Variants in TRIOBP observed in about 807,000 individuals in gnomAD.
TRIOBP encodes TRIO and F-actin binding protein.
In TRIOBP, 169 loss-of-function variants were observed where a neutral mutation model predicts 238.8. The observed-to-expected ratio is 0.71, with a 90% CI of 0.62 to 0.80. TRIOBP has a LOEUF of 0.80. Among genes scored for constraint, TRIOBP ranks in the 30% least tolerant of loss-of-function variants. The pLI is 0.00. For missense variants in TRIOBP, 2,838 were observed against 3,122.6 expected, an observed-to-expected ratio of 0.91 and a Z score of 2.17; for synonymous variants, 1,150 against 1,274.4, an observed-to-expected ratio of 0.90 and a Z score of 2.08.
chr22:37,768,163 C>G lies in TRIOBP; in HGVS notation c.6562C>G (p.Arg2188Gly). 6.2e-7 allele frequency: 1 copy of G among 1,612,274 alleles called. No homozygotes were observed. The highest frequency in any genetic ancestry group is 8.5e-7 in the Non-Finnish European group (1 of 1,179,192). Residue 2188 changes from arginine (R) to glycine (G), a missense_variant, in exon 19 of 24, where the codon CGG becomes GGG. Arg to Gly is a moderately radical substitution (Grantham distance 125, BLOSUM62 -2). This residue lies in a region of TRIOBP where 2,096 missense variants were observed against 2,137.4 expected (regional missense o/e 0.98). Coordinates refer to ENST00000644935, the MANE Select transcript of TRIOBP (RefSeq NM_001039141.3). ...RSLQQGPDGL[R>G]KQHQSDVEAL... ...TCTCCAGCAGGGCCCGGATGGCCTC[C>G]GGAAGCAGCACCAGTAAGATGATGC... is the stretch of plus-strand genomic sequence containing the variant.
In TRIOBP at chr22:37,735,181, C is replaced by A; in HGVS notation, c.4845C>A (p.Pro1615=). Residue 1615 remains proline, a synonymous_variant, in exon 9 of 24, where the codon CCC becomes CCA. Transcript: ENST00000644935. ...LARALGPELG[P]PGTNDVPEQE... ...GGGCTTTAGGGCCAGAGCTGGGTCC[C>A]CCAGGCACAAACGATGTCCCTGAGC... 1 of 1,609,864 alleles carries A rather than the reference C, an allele frequency of 6.2e-7. No homozygotes were observed. Among genetic ancestry groups the A allele is most frequent in the South Asian group, 1.1e-5 (1 of 91,002 alleles).
chr22:37,752,099 C>G (rs1444309219), intron 12 of TRIOBP, among the ~76,000 whole-genome samples: 1 of 152,126 alleles, frequency 6.6e-6, no homozygotes, highest in Non-Finnish European at 1.5e-5. Context: ...TCAGTAGGAG[C>G]CTGGGTGGGA....
At chr22:37,738,768 A>C in intron 10 of TRIOBP, 49 bp downstream of exon 10, 1 of 1,590,716 alleles carries the variant, frequency 6.3e-7, no homozygotes, top group Non-Finnish European at 8.6e-7. Context: ...GGGAGGGGGA[A>C]GCAGGTTGGA....
intron 1 of TRIOBP, 118 bp downstream of exon 1, chr22:37,697,207 A>G (rs1028285604): frequency 3.3e-5 from 5 of 152,176 alleles, no homozygotes; most frequent in African/African-American, 1.2e-4. Flanking sequence ...TCCCGGGTCC[A>G]TTCTCTGGGT....
intron 10 of TRIOBP, among the ~76,000 whole-genome samples, chr22:37,739,185 C>T (rs1601642688): frequency 6.6e-6 from 1 of 152,036 alleles, no homozygotes. Flanking sequence ...GTGGGACCCA[C>T]GGATGCTGCT....
At chr22:37,763,181 G>A (rs142698564) in intron 17 of TRIOBP, among the ~76,000 whole-genome samples, 1 of 152,208 alleles carries the variant, frequency 6.6e-6, no homozygotes, top group Non-Finnish European at 1.5e-5. Flanking sequence ...CTCCCCACTG[G>A]TGGATGCTGG....
At chr22:37,753,794 AC>A (rs1161104816) in intron 12 of TRIOBP, among the ~76,000 whole-genome samples, 2 of 152,226 alleles carry the variant, frequency 1.3e-5, no homozygotes, top group Admixed American at 6.5e-5. Flanking sequence ...AGTACTTGAA[AC>A]AACCAACAGC....
Position 37,755,118 on chromosome 22 carries a change from T to C in TRIOBP, c.5505T>C (p.Gly1835=). 6.2e-7 allele frequency: 1 copy of C among 1,611,824 alleles called. No homozygotes were observed. Among genetic ancestry groups the C allele is most frequent in the Non-Finnish European group, 8.5e-7 (1 of 1,178,308 alleles). ...TGCTCCAGGCAGATGAGCTGGATGG[T>C]GAGATCGACCTGCGTTCCTGCACGG... ...STAEEADELD[G]EIDLRSCTDV... The change falls in exon 14 of 24, where the codon GGT becomes GGC. Residue 1835 remains glycine (G), a synonymous_variant. Coordinates refer to ENST00000644935, the MANE Select transcript of TRIOBP (RefSeq NM_001039141.3).
chr22:37,750,512 A>C (rs988835646), intron 11 of TRIOBP: 3 of 393,910 alleles, frequency 7.6e-6, no homozygotes, highest in East Asian at 7.4e-5. Context: ...CTTCATTCTT[A>C]GCTTGGGATC....
At chr22:37,770,181 G>A (rs1263783760) in intron 21 of TRIOBP, among the ~76,000 whole-genome samples, 2 of 147,898 alleles carry the variant, frequency 1.4e-5, no homozygotes, top group Admixed American at 1.3e-4. Flanking sequence ...GCTCACGCCT[G>A]TAATCCCAGC....
intron 5 of TRIOBP, among the ~76,000 whole-genome samples, chr22:37,715,162 C>A (rs1224499073): frequency 1.3e-5 from 2 of 152,020 alleles, no homozygotes; most frequent in Non-Finnish European, 2.9e-5. Context: ...TTACAGGCGC[C>A]CACCACTATG....
chr22:37,705,678 C>T (rs1230522422), intron 3 of TRIOBP, among the ~76,000 whole-genome samples: 1 of 151,406 alleles, frequency 6.6e-6, no homozygotes, highest in East Asian at 2.0e-4. Context: ...CAGGTTCAAG[C>T]GATTCTCCTG....
intron 21 of TRIOBP, 113 bp downstream of exon 21, chr22:37,769,488 T>A: frequency 9.4e-7 from 1 of 1,064,302 alleles, no homozygotes; most frequent in Non-Finnish European, 1.4e-6. Flanking sequence ...AGTCTCCCAG[T>A]GGCTGGGCCA....
At chr22:37,699,156 A>G (rs917588844) in intron 2 of TRIOBP, among the ~76,000 whole-genome samples, 1 of 152,170 alleles carries the variant, frequency 6.6e-6, no homozygotes, top group Non-Finnish European at 1.5e-5. Context: ...TCTCAAAAAA[A>G]CAAAACAAAA....
chr22:37,726,190 CT>C lies in TRIOBP; in HGVS notation c.3635del (p.Leu1212ArgfsTer26). ...STDSLHGSPV[L>X]IPQVCIGHRD... is the part of the protein sequence containing the mutation. Reference sequence around the variant, plus strand: ...TGACTCTCTGCATGGCTCCCCAGTGCTGATCCCCCAAGTGTGCATCGGGCAC... The same window carrying C: ...TGACTCTCTGCATGGCTCCCCAGTGCGATCCCCCAAGTGTGCATCGGGCAC... On this transcript the variant is annotated frameshift_variant, in exon 7 of 24. Transcript: ENST00000644935. LOFTEE classifies it high-confidence loss of function. The C allele has an allele frequency of 6.3e-7, 1 of 1,580,140 alleles. No homozygotes were observed. The highest frequency in any genetic ancestry group is 8.6e-7 in the Non-Finnish European group (1 of 1,162,492).
rs1194032027 is a variant in TRIOBP, at chr22:37,765,718, G to A, written c.6373G>A (p.Val2125Met). 6.4e-7 allele frequency: 1 copy of A among 1,559,586 alleles called. No individual in the cohort carries two copies. The highest frequency in any genetic ancestry group is 1.4e-5 in the African/African-American group (1 of 73,424). ...LAEMESSHQQVMEELQRHHER... is the reference protein window; with the variant it reads ...LAEMESSHQQMMEELQRHHER... Reference sequence around the variant, plus strand: ...AGAGATGGAGTCCTCGCACCAGCAGGTGATGGAGGAGCTGCAGCGGCACCA... The same window carrying A: ...AGAGATGGAGTCCTCGCACCAGCAGATGATGGAGGAGCTGCAGCGGCACCA... Residue 2125 changes from valine to methionine, a missense_variant, in exon 18 of 24, where the codon GTG (valine) becomes ATG (methionine). Coordinates refer to ENST00000644935, the MANE Select transcript of TRIOBP (RefSeq NM_001039141.3).
rs780554525 is a variant in TRIOBP at position 37,768,149 on chromosome 22, G to A, written c.6548G>A (p.Gly2183Asp). 19 of 1,613,310 alleles carry A rather than the reference G, an allele frequency of 1.2e-5. 1 individual carries two copies. In the East Asian group the frequency reaches 4.0e-4, roughly 34 times the overall value. ...ELSKTRSLQQ[G>D]PDGLRKQHQS... Reference sequence around the variant, plus strand: ...AGCAAAACACGGAGTCTCCAGCAGGGCCCGGATGGCCTCCGGAAGCAGCAC... The same window carrying A: ...AGCAAAACACGGAGTCTCCAGCAGGACCCGGATGGCCTCCGGAAGCAGCAC... Residue 2183 changes from glycine (G) to aspartate (D), a missense_variant, in exon 19 of 24, where the codon GGC becomes GAC. Physicochemically the swap from Gly to Asp is moderately conservative, Grantham distance 94. This residue lies in a region of TRIOBP where 2,096 missense variants were observed against 2,137.4 expected (regional missense o/e 0.98). Coordinates refer to ENST00000644935, the MANE Select transcript of TRIOBP (RefSeq NM_001039141.3).
chr22:37,738,744 C>G, intron 10 of TRIOBP, 25 bp downstream of exon 10: 1 of 1,612,096 alleles, frequency 6.2e-7, no homozygotes, highest in African/African-American at 1.3e-5. Context: ...GGTGTGGGTA[C>G]ATACGGTGGG....
intron 4 of TRIOBP, among the ~76,000 whole-genome samples, chr22:37,712,250 C>T (rs1322261004): frequency 3.9e-5 from 6 of 152,010 alleles, no homozygotes; most frequent in African/African-American, 1.2e-4. Context: ...TGCAATGACA[C>T]GATGTTGGCT....
Sources: allele counts gnomAD v4.1 joint callset (sites outside exome capture counted in the v4.1 genomes callset), GRCh38; gene constraint gnomAD v4.1.1; regional missense constraint gnomAD v4.1.1; transcripts MANE v1.5; gene names NCBI Gene and HGNC (gene_info 2026-07-23, HGNC 2026-07-21).